The following TMEM52B variants were observed in gnomAD, a reference collection of about 807,000 sequenced individuals.
TMEM52B encodes the protein transmembrane protein 52B, also known as chromosome 12 open reading frame 59.
TMEM52B carries 11 observed loss-of-function variants against 16.1 expected under a neutral mutation model. The ratio of observed to expected loss-of-function variants is 0.68; its 90% CI spans 0.43 to 1.13. The LOEUF (loss-of-function observed/expected upper bound fraction) is 1.13. TMEM52B is among the 50% of genes most tolerant of loss of function. The pLI is 0.00. For missense variants in TMEM52B, 243 were observed against 230.4 expected (o/e 1.05, Z -0.35); for synonymous variants, 101 against 93.8 (o/e 1.08, Z -0.45).
At chr12:10,182,247 A>G in intron 1 of TMEM52B, 1 of 985,262 alleles carries the variant, frequency 1.0e-6, no homozygotes, top group Non-Finnish European at 1.2e-6. Flanking sequence ...GGACAGAGAG[A>G]TCAGGAATTT....
At chr12:10,189,549 A>G (rs1156743990) in intron 4 of TMEM52B, among the ~76,000 whole-genome samples, 1 of 148,440 alleles carries the variant, frequency 6.7e-6, no homozygotes, top group Non-Finnish European at 1.5e-5. Flanking sequence ...ACTTGAATCC[A>G]GGAGGCGGAG....
rs139445020 is a variant in TMEM52B at position 10,186,527 on chromosome 12, C to A, written c.245C>A (p.Pro82Gln). The part of the protein sequence containing the change: ...RQQNGEDGGP[P>Q]PCEVTVIAFD... ...CAAAATGGGGAAGATGGGGGCCCACCACCCTGTGAAGTGACCGTCATTGCT... is the reference window on the plus strand; with the variant it reads ...CAAAATGGGGAAGATGGGGGCCCACAACCCTGTGAAGTGACCGTCATTGCT... Residue 82 changes from proline (P) to glutamine (Q), a missense_variant, in exon 4 of 5, where the codon CCA becomes CAA. Transcript: ENST00000543484. The A allele has an allele frequency of 2.7e-4, 434 of 1,609,920 alleles. 1 individual carries two copies. The African/African-American group carries it at 5.0e-3, about 18-fold the overall frequency.
chr12:10,172,752 A>G lies in TMEM52B; in HGVS notation c.-95+1901A>G, dbSNP rs185261786. On this transcript the variant is annotated intron_variant, in intron 1 of 5. Coordinates refer to the TMEM52B transcript ENST00000381923. ...TTTCAGTACTTTCCTTTAGTCTACA[A>G]TCTTGGGAAATCTTAATACTTTGAA... Among the ~76,000 whole-genome samples, 266 of 152,278 alleles carry G rather than the reference A, an allele frequency of 1.7e-3. 3 individuals are homozygous for G. The highest frequency in any genetic ancestry group is 1.9e-3 in the South Asian group (9 of 4,822).
chr12:10,178,800 T>C (rs926623556), upstream of TMEM52B, among the ~76,000 whole-genome samples: 2 of 152,214 alleles, frequency 1.3e-5, no homozygotes, highest in Non-Finnish European at 2.9e-5. Context: ...AGGAGGAAGA[T>C]GTCACTGATA....
At chr12:10,172,870 C>G (rs182387346) in intron 1 of TMEM52B, among the ~76,000 whole-genome samples, 1 of 152,130 alleles carries the variant, frequency 6.6e-6, no homozygotes. Context: ...GGGATAATGT[C>G]TACCTGATAA....
rs869240234 is a variant in TMEM52B at position 10,189,016 on chromosome 12, C to CAAAAAA, written c.308-850_308-845dup. On this transcript the variant is annotated intron_variant, in intron 4 of 4. Coordinates refer to ENST00000543484, the MANE Select transcript of TMEM52B (RefSeq NM_001384896.1). ...TGGGCGACAGAGCGAGACTCCGTCT[C>CAAAAAA]AAAAAAAAAAAAAAAAAAAAAAAAA... 1.5e-3 allele frequency among the ~76,000 whole-genome samples: 82 copies of CAAAAAA among 56,496 alleles called. 7 individuals are homozygous for CAAAAAA. The highest frequency in any genetic ancestry group is 2.7e-3 in the African/African-American group (33 of 12,342). The allele number at this position is 56,496 out of a possible 152,430, so 37.1% of individuals were successfully genotyped here. A position where few individuals can be genotyped will look rare whatever the true frequency, so the allele number is the denominator to read the frequency against.
At position 10,179,349 on chromosome 12, in the gene TMEM52B, A is replaced by G; in HGVS notation, c.-226A>G. ...TGTGGAGGCCATAGAAATAGTAATA[A>G]GAATAAAGAAGAAAAACAGGAAAGA... On this transcript the variant is annotated 5_prime_UTR_variant, in exon 1 of 5. Transcript: ENST00000543484. 1 of 551,132 alleles carries G rather than the reference A, an allele frequency of 1.8e-6. No individual in the cohort carries two copies. Among genetic ancestry groups the G allele is most frequent in the Non-Finnish European group, 3.3e-6 (1 of 307,082 alleles). 34.1% of individuals were successfully genotyped at this position (551,132 alleles called of 1,614,324 possible).
intron 4 of TMEM52B, among the ~76,000 whole-genome samples, chr12:10,187,951 T>C (rs1428582951): frequency 2.0e-5 from 3 of 151,706 alleles, no homozygotes; most frequent in African/African-American, 7.3e-5. Context: ...ATACAAAAAC[T>C]AGCCAGGCAT....
In TMEM52B at chr12:10,189,211, A is replaced by T. The variant is rs1360583054; in HGVS notation, c.308-685A>T. Among the ~76,000 whole-genome samples, 578 of 151,380 alleles carry T rather than the reference A, an allele frequency of 3.8e-3. 7 individuals carry two copies. Among genetic ancestry groups the T allele is most frequent in the African/African-American group, 0.013 (531 of 41,326 alleles). On this transcript the variant is annotated intron_variant, in intron 4 of 4. Coordinates refer to ENST00000543484, the MANE Select transcript of TMEM52B (RefSeq NM_001384896.1). ...GAGTGAGACACTGTCTAAAAAAAAA[A>T]AAAAAAAGAAAAGAGATGAGGTAAA...
chr12:10,185,093 G>A (rs1477900183), intron 2 of TMEM52B, among the ~76,000 whole-genome samples: 1 of 152,144 alleles, frequency 6.6e-6, no homozygotes, highest in Non-Finnish European at 1.5e-5. Context: ...TCACTAGTTT[G>A]TTTTATAATG....
chr12:10,188,096 C>A (rs1028089227), intron 4 of TMEM52B, among the ~76,000 whole-genome samples: 2 of 152,066 alleles, frequency 1.3e-5, no homozygotes, highest in Admixed American at 6.6e-5. Context: ...GAGAAAGACC[C>A]TGTCTCAAAA....
At chr12:10,179,669 C>T in intron 1 of TMEM52B, 41 bp downstream of exon 1, 2 of 1,611,010 alleles carry the variant, frequency 1.2e-6, no homozygotes, top group Non-Finnish European at 1.7e-6. Flanking sequence ...TATTTTTCCC[C>T]AGATTAATCA....
intron 4 of TMEM52B, among the ~76,000 whole-genome samples, chr12:10,188,003 G>C (rs2908446): frequency 0.55 from 83,555 of 151,446 alleles, 23,430 homozygotes; most frequent in East Asian, 0.89. Flanking sequence ...GGAAGCTGAG[G>C]CGTGACACTC....
Position 10,182,035 on chromosome 12 carries a change from A to C in TMEM52B, c.55-515A>C, listed in dbSNP as rs928758792. On this transcript the variant is annotated intron_variant, in intron 1 of 4. Transcript: ENST00000543484. Reference sequence around the variant, plus strand: ...GAGCAAGACTCAAAAAAAAAAAAAAAAAAAACAAAAAAAAAAAACTTGTTA... The same window carrying C: ...GAGCAAGACTCAAAAAAAAAAAAAACAAAAACAAAAAAAAAAAACTTGTTA... 108 of 251,866 alleles carry C rather than the reference A, an allele frequency of 4.3e-4. 1 individual carries two copies. The highest frequency in any genetic ancestry group is 4.9e-4 in the Non-Finnish European group (88 of 178,806). The allele number at this position is 251,866 out of a possible 1,614,324, so 15.6% of individuals were successfully genotyped here.
At chr12:10,186,132 G>T (rs1000922865) in intron 3 of TMEM52B, among the ~76,000 whole-genome samples, 1 of 152,042 alleles carries the variant, frequency 6.6e-6, no homozygotes, top group African/African-American at 2.4e-5. Context: ...TCCAGCCTGG[G>T]CAACAGAGCA....
chr12:10,171,301 C>T (rs1948714300), intron 1 of TMEM52B, among the ~76,000 whole-genome samples: 1 of 152,070 alleles, frequency 6.6e-6, no homozygotes, highest in South Asian at 2.1e-4. Flanking sequence ...TCATTTTCCT[C>T]AGAACAGATA....
intron 1 of TMEM52B, among the ~76,000 whole-genome samples, chr12:10,180,362 C>T (rs1451038195): frequency 2.6e-5 from 4 of 151,270 alleles, no homozygotes; most frequent in Non-Finnish European, 5.9e-5. Context: ...TTCCTCTTCA[C>T]TCCCTTTGCC....
chr12:10,190,220 T>A lies in TMEM52B; in HGVS notation c.*80T>A. The A allele has an allele frequency of 6.4e-7, 1 of 1,573,408 alleles. No homozygotes were observed. The highest frequency in any genetic ancestry group is 8.7e-7 in the Non-Finnish European group (1 of 1,153,768). On this transcript the variant is annotated 3_prime_UTR_variant, in exon 5 of 5. Coordinates refer to ENST00000543484, the MANE Select transcript of TMEM52B (RefSeq NM_001384896.1). ...AATGGAACACATACTTTTCTAACCC[T>A]CAGAAGTTTTAAGATGGCATCTAAC... is the stretch of plus-strand genomic sequence containing the variant.
Position 10,190,066 on chromosome 12 carries a change from C to A in TMEM52B, c.478C>A (p.Pro160Thr). The A allele has an allele frequency of 6.2e-7, 1 of 1,614,146 alleles. No homozygotes were observed. The highest frequency in any genetic ancestry group is 1.1e-5 in the South Asian group (1 of 91,082). ...AMCGQKAPDL[P>T]PVPEEKQLPP... Reference sequence around the variant, plus strand: ...GTGCGGGCAGAAAGCACCTGATCTACCCCCAGTACCTGAAGAAAAGCAGCT... The same window carrying A: ...GTGCGGGCAGAAAGCACCTGATCTAACCCCAGTACCTGAAGAAAAGCAGCT... The change falls in exon 5 of 5, where the codon CCC becomes ACC. Residue 160 changes from proline (P) to threonine (T), a missense_variant. Transcript: ENST00000543484.
Sources: gnomAD v4.1 joint callset for allele counts (sites outside exome capture counted in the v4.1 genomes callset) on GRCh38, gnomAD v4.1.1 for gene constraint, MANE v1.5 for transcripts, NCBI Gene and HGNC (gene_info 2026-07-23, HGNC 2026-07-21) for gene names.